The following FBN2 variants were observed in gnomAD, a reference collection of about 807,000 sequenced individuals.
FBN2 encodes the protein fibrillin 2.
In FBN2, 105 loss-of-function variants were observed where a neutral mutation model predicts 355.6. That is an observed-to-expected ratio of 0.30 (90% CI 0.25 to 0.35). FBN2 has a LOEUF of 0.35. Ranked by LOEUF, FBN2 falls within the 10% of genes least tolerant of loss-of-function variation. FBN2 has a pLI of 1.00. For synonymous variants in FBN2, 1,350 were observed against 1,301.2 expected (o/e 1.04, Z -0.81); for missense variants, 3,280 against 3,758.7 (o/e 0.87, Z 3.33).
intron 7 of FBN2, among the ~76,000 whole-genome samples, chr5:128,424,277 A>G (rs959078839): frequency 2.0e-5 from 3 of 152,290 alleles, no homozygotes; most frequent in Non-Finnish European, 4.4e-5. Flanking sequence ...ATCTGGTGAC[A>G]TCGATGAAAT....
chr5:128,409,122 C>T (rs370204385), intron 7 of FBN2, among the ~76,000 whole-genome samples: 302 of 152,066 alleles, frequency 2.0e-3, no homozygotes, highest in Non-Finnish European at 3.5e-3. Context: ...GGGAATTATC[C>T]TACTAGAGCC....
Position 128,261,724 on chromosome 5 carries a change from G to A in FBN2, c.8364+12C>T, listed in dbSNP as rs766757763. The A allele has an allele frequency of 3.7e-6, 6 of 1,613,488 alleles. No individual in the cohort carries two copies. In the African/African-American group the frequency reaches 8.0e-5, roughly 22 times the overall value. On this transcript the variant is annotated intron_variant, in intron 64 of 64. Coordinates refer to ENST00000262464, the MANE Select transcript of FBN2 (RefSeq NM_001999.4). ...TAAAATTTTGTGGCAACACAGAGTG[G>A]GATATACTCACAGCAGTGGGATCAG...
At chr5:128,379,471 T>C (rs958134851) in intron 11 of FBN2, among the ~76,000 whole-genome samples, 3 of 152,250 alleles carry the variant, frequency 2.0e-5, no homozygotes, top group Middle Eastern at 6.8e-3. Flanking sequence ...TGAAAACATT[T>C]AAACAAAGCC....
intron 8 of FBN2, among the ~76,000 whole-genome samples, chr5:128,401,947 T>C (rs1752808895): frequency 6.6e-6 from 1 of 152,102 alleles, no homozygotes. Context: ...ATTCTACAAT[T>C]AGCTTTTTCT....
At chr5:128,374,211 A>G (rs1172531816) in intron 15 of FBN2, among the ~76,000 whole-genome samples, 1 of 152,184 alleles carries the variant, frequency 6.6e-6, no homozygotes, top group East Asian at 1.9e-4. Flanking sequence ...CTTTGTTAAT[A>G]TACAATTTAC....
Position 128,457,456 on chromosome 5 carries a change from G to A in FBN2, c.826+7268C>T, listed in dbSNP as rs563474989. 5.9e-5 allele frequency among the ~76,000 whole-genome samples: 9 copies of A among 152,186 alleles called. No individual in the cohort carries two copies. The East Asian group carries it at 7.7e-4, about 13-fold the overall frequency. On this transcript the variant is annotated intron_variant, in intron 6 of 64. Coordinates refer to ENST00000262464, the MANE Select transcript of FBN2 (RefSeq NM_001999.4). The stretch of plus-strand genomic sequence containing the variant: ...CAAATTCAGGAAATACAGAGAACAC[G>A]ATTAAGATACTCCATGAGAAGATCA...
intron 5 of FBN2, among the ~76,000 whole-genome samples, chr5:128,506,243 T>C (rs1013697323): frequency 3.9e-5 from 6 of 152,258 alleles, no homozygotes; most frequent in South Asian, 2.1e-4. Flanking sequence ...CTATGCTGAA[T>C]TCATACAACA....
At chr5:128,441,441 T>C (rs1205162594) in intron 7 of FBN2, among the ~76,000 whole-genome samples, 1 of 152,188 alleles carries the variant, frequency 6.6e-6, no homozygotes, top group Non-Finnish European at 1.5e-5. Context: ...GCTCTTCTGT[T>C]TCTCATCCAT....
intron 62 of FBN2, among the ~76,000 whole-genome samples, chr5:128,268,859 T>C (rs1290507271): frequency 1.7e-4 from 26 of 152,166 alleles, no homozygotes; most frequent in Admixed American, 1.7e-3. Flanking sequence ...AACTAGATAT[T>C]GATGGAATGT....
intron 58 of FBN2, among the ~76,000 whole-genome samples, chr5:128,277,261 C>T (rs1765417706): frequency 6.6e-6 from 1 of 152,020 alleles, no homozygotes; most frequent in Non-Finnish European, 1.5e-5. Flanking sequence ...AGTCTAAGTC[C>T]TTTCTGCCCC....
intron 34 of FBN2, chr5:128,328,067 T>C (rs1472375890): frequency 6.3e-6 from 1 of 158,738 alleles, no homozygotes; most frequent in Non-Finnish European, 1.4e-5. Flanking sequence ...AACACAATGA[T>C]GGCTCAAACT....
chr5:128,287,133 C>T (rs1749177207), intron 54 of FBN2, among the ~76,000 whole-genome samples, 175 bp downstream of exon 54: 1 of 152,146 alleles, frequency 6.6e-6, no homozygotes, highest in African/African-American at 2.4e-5. Flanking sequence ...CTTGATTTTA[C>T]AAAAATACCA....
chr5:128,450,852 G>C (rs541944269), intron 6 of FBN2, among the ~76,000 whole-genome samples: 1 of 152,060 alleles, frequency 6.6e-6, no homozygotes, highest in Admixed American at 6.6e-5. Flanking sequence ...TTACATAATA[G>C]ATTTATTAAT....
chr5:128,338,105 G>C lies in FBN2; in HGVS notation c.3490C>G (p.Arg1164Gly). ...KNCMDIDECE[R>G]NPLLCRGGTC... ...CCACCCCTACAAAGGAGAGGGTTACGTTCACATTCGTCAATGTCTGAAAGG... is the reference window on the plus strand; with the variant it reads ...CCACCCCTACAAAGGAGAGGGTTACCTTCACATTCGTCAATGTCTGAAAGG... Residue 1164 changes from arginine to glycine, a missense_variant, in exon 27 of 65, where the codon CGT becomes GGT. Coordinates refer to ENST00000262464, the MANE Select transcript of FBN2 (RefSeq NM_001999.4). 1.2e-6 allele frequency: 2 copies of C among 1,613,986 alleles called. No homozygotes were observed. Among genetic ancestry groups the C allele is most frequent in the African/African-American group, 2.7e-5 (2 of 75,028 alleles).
At chr5:128,461,821 T>G (rs1318819715) in intron 6 of FBN2, among the ~76,000 whole-genome samples, 1 of 129,560 alleles carries the variant, frequency 7.7e-6, no homozygotes, top group East Asian at 2.3e-4. Context: ...TGGACACAGA[T>G]AGGGGAATAA....
intron 1 of FBN2, 39 bp downstream of exon 1, chr5:128,537,311 A>G (rs763614965): frequency 1.2e-6 from 2 of 1,606,186 alleles, no homozygotes; most frequent in East Asian, 4.5e-5. Context: ...CCCCTCCCCC[A>G]AGCCGGAGCC....
At chr5:128,450,904 A>AC (rs1387399842) in intron 6 of FBN2, among the ~76,000 whole-genome samples, 2 of 152,158 alleles carry the variant, frequency 1.3e-5, no homozygotes, top group African/African-American at 4.8e-5. Flanking sequence ...CATTGCAACA[A>AC]ATGTTAAAGA....
intron 1 of FBN2, 146 bp downstream of exon 1, chr5:128,537,204 G>A (rs1756874118): frequency 2.2e-6 from 3 of 1,377,686 alleles, no homozygotes; most frequent in Non-Finnish European, 2.9e-6. Flanking sequence ...CGCTCCTGGG[G>A]GTCTTTGGAT....
At chr5:128,367,429 T>A (rs1351614858) in intron 16 of FBN2, among the ~76,000 whole-genome samples, 1 of 152,162 alleles carries the variant, frequency 6.6e-6, no homozygotes, top group Non-Finnish European at 1.5e-5. Context: ...TTATGTACAC[T>A]GCTGTTTTTT....
Sources: allele counts gnomAD v4.1 joint callset (sites outside exome capture counted in the v4.1 genomes callset), GRCh38; gene constraint gnomAD v4.1.1; transcripts MANE v1.5; gene names NCBI Gene and HGNC (gene_info 2026-07-23, HGNC 2026-07-21).